COL28A1: variants seen among roughly 807,000 people sequenced by gnomAD.
COL28A1 encodes the protein collagen alpha-1(XXVIII) chain.
A neutral mutation model predicts 150.2 loss-of-function variants in COL28A1; 161 were observed. That is an observed-to-expected ratio of 1.07 (90% CI 0.94 to 1.22). The LOEUF is 1.22. COL28A1 is among the 50% of genes most tolerant of loss of function. The pLI, the probability that COL28A1 is intolerant of heterozygous loss-of-function variation, is 0.00. For synonymous variants in COL28A1, 552 were observed against 469.7 expected, an observed-to-expected ratio of 1.18 and a Z score of -2.26; for missense variants, 1,617 against 1,388.3, an observed-to-expected ratio of 1.16 and a Z score of -2.62.
intron 4 of COL28A1, among the ~76,000 whole-genome samples, chr7:7,523,877 C>A: frequency 6.6e-6 from 1 of 152,278 alleles, no homozygotes. Flanking sequence ...TAGCCAACAC[C>A]AGGAACACCC....
chr7:7,485,867 T>A (rs1010656939), intron 13 of COL28A1, among the ~76,000 whole-genome samples: 5 of 152,164 alleles, frequency 3.3e-5, no homozygotes, highest in Non-Finnish European at 5.9e-5. Flanking sequence ...ATATAATAAA[T>A]CTTAAGACCA....
At chr7:7,444,548 T>C (rs1786104096) in intron 18 of COL28A1, 59 bp from the exon 19 acceptor site, 2 of 1,477,926 alleles carry the variant, frequency 1.4e-6, no homozygotes, top group Admixed American at 1.7e-5. Flanking sequence ...CTGAGGTACT[T>C]GCAATTGGAT....
In COL28A1 at chr7:7,358,084, G is replaced by T. The variant is rs1780427822; in HGVS notation, c.*549C>A. On this transcript the variant is annotated 3_prime_UTR_variant, in exon 35 of 35. Coordinates refer to ENST00000399429, the MANE Select transcript of COL28A1 (RefSeq NM_001037763.3). ...TGGTTTCTCCCTATTACCACTTTCAGGGCAAGTGAGGCAAAAATCTAACTA... is the reference window on the plus strand; with the variant it reads ...TGGTTTCTCCCTATTACCACTTTCATGGCAAGTGAGGCAAAAATCTAACTA... 6.6e-6 allele frequency: 1 copy of T among 152,192 alleles called. No individual in the cohort carries two copies. Among genetic ancestry groups the T allele is most frequent in the South Asian group, 2.1e-4 (1 of 4,826 alleles). The allele number at this position is 152,192 out of a possible 1,614,324, so 9.4% of individuals were successfully genotyped here.
chr7:7,452,417 A>G (rs766145395), intron 17 of COL28A1, 30 bp from the exon 18 acceptor site: 7 of 1,574,554 alleles, frequency 4.4e-6, no homozygotes, highest in Non-Finnish European at 5.1e-6. Flanking sequence ...ATACAGCAGC[A>G]AAGTGAAAAT....
rs2128314267 is a variant in COL28A1, at chr7:7,432,459, C to T, written c.1998+14G>A. 1 of 1,613,130 alleles carries T rather than the reference C, an allele frequency of 6.2e-7. No individual in the cohort carries two copies. ...CTCTTAGAAGCTAGTACGTTGCCTA[C>T]TTTAAAGTCTTACCTTTGCTCCAGT... On this transcript the variant is annotated intron_variant, in intron 25 of 34. Coordinates refer to ENST00000399429, the MANE Select transcript of COL28A1 (RefSeq NM_001037763.3).
chr7:7,381,397 G>A, intron 28 of COL28A1, 147 bp downstream of exon 28: 2 of 636,630 alleles, frequency 3.1e-6, no homozygotes, highest in East Asian at 5.4e-5. Context: ...ACAAAGCAAT[G>A]CACGAGGATT....
chr7:7,490,385 A>G (rs1361562023), intron 12 of COL28A1, among the ~76,000 whole-genome samples, 193 bp downstream of exon 12: 1 of 152,246 alleles, frequency 6.6e-6, no homozygotes, highest in Non-Finnish European at 1.5e-5. Flanking sequence ...AAAATTAAAA[A>G]ATACGTTAAT....
intron 32 of COL28A1, among the ~76,000 whole-genome samples, chr7:7,372,629 G>A (rs1344575902): frequency 1.3e-5 from 2 of 151,828 alleles, no homozygotes; most frequent in Admixed American, 1.3e-4. Flanking sequence ...TTTCCTGACT[G>A]TTTTCTGCCT....
intron 26 of COL28A1, 26 bp downstream of exon 26, chr7:7,419,859 C>T: frequency 6.6e-7 from 1 of 1,507,508 alleles, no homozygotes; most frequent in Non-Finnish European, 8.9e-7. Flanking sequence ...CTGACCCTCA[C>T]ACAAAGCACT....
At position 7,517,817 on chromosome 7, in the gene COL28A1, T is replaced by G. The variant is rs930596718; in HGVS notation, c.834A>C (p.Glu278Asp). Reference sequence around the variant, plus strand: ...ATACCCCTGGACCTCTTTCTCCAGCTTCTCCTTTTTGAGCGTTGCCCTGTG... The same window carrying G: ...ATACCCCTGGACCTCTTTCTCCAGCGTCTCCTTTTTGAGCGTTGCCCTGTG... The part of the protein sequence containing the change: ...KGNPGNAQKG[E>D]AGERGPGGIP... Residue 278 changes from glutamate (E) to aspartate (D), a missense_variant, in exon 7 of 35, where the codon GAA (glutamate) becomes GAC (aspartate). Coordinates refer to ENST00000399429, the MANE Select transcript of COL28A1 (RefSeq NM_001037763.3). 6.2e-7 allele frequency: 1 copy of G among 1,613,680 alleles called. No individual in the cohort carries two copies. Among genetic ancestry groups the G allele is most frequent in the African/African-American group, 1.3e-5 (1 of 74,892 alleles).
At chr7:7,451,850 A>G (rs545936575) in intron 18 of COL28A1, among the ~76,000 whole-genome samples, 1 of 152,102 alleles carries the variant, frequency 6.6e-6, no homozygotes, top group Non-Finnish European at 1.5e-5. Context: ...TTCTTCTTAG[A>G]CCTACATCTT....
chr7:7,351,032 CTA>C, the COL28A1 span, among the ~76,000 whole-genome samples: 1 of 152,094 alleles, frequency 6.6e-6, no homozygotes, highest in Non-Finnish European at 1.5e-5. Flanking sequence ...AGAATTCTGA[CTA>C]TGTAATTTCT....
intron 16 of COL28A1, among the ~76,000 whole-genome samples, chr7:7,455,672 G>A (rs1787098739): frequency 6.6e-6 from 1 of 152,150 alleles, no homozygotes; most frequent in East Asian, 1.9e-4. Context: ...TCCATTGGGA[G>A]AGAGTGGGAT....
chr7:7,410,037 T>C (rs1186312070), intron 27 of COL28A1, among the ~76,000 whole-genome samples: 1 of 152,200 alleles, frequency 6.6e-6, no homozygotes, highest in East Asian at 1.9e-4. Flanking sequence ...GAATTATTTT[T>C]TAAAAATTAT....
the COL28A1 span, among the ~76,000 whole-genome samples, chr7:7,542,611 C>T: frequency 5.9e-4 from 90 of 152,280 alleles, 1 homozygote; most frequent in African/African-American, 2.1e-3. Flanking sequence ...GTTGGAAGTG[C>T]AGGAGCAGAG....
intron 16 of COL28A1, among the ~76,000 whole-genome samples, chr7:7,454,817 G>A (rs4720737): frequency 0.045 from 6,782 of 152,250 alleles, 235 homozygotes; most frequent in Admixed American, 0.091. Flanking sequence ...GAGAATGTCG[G>A]CTGGTATAAT....
rs1184748628 is a variant in COL28A1, at chr7:7,381,665, C to A, written c.2137-53G>T. 1.3e-5 allele frequency: 19 copies of A among 1,426,436 alleles called. No individual in the cohort carries two copies. In the African/African-American group the frequency reaches 1.7e-4, roughly 13 times the overall value. 88.4% of individuals were successfully genotyped at this position (1,426,436 alleles called of 1,614,324 possible). A position where few individuals can be genotyped will look rare whatever the true frequency, so the allele number is the denominator to read the frequency against. On this transcript the variant is annotated intron_variant, in intron 27 of 34. Coordinates refer to ENST00000399429, the MANE Select transcript of COL28A1 (RefSeq NM_001037763.3). ...CTATTAATTTCCCAGGATAGCTTGG[C>A]TATTCTTTGGGTCAGAAACACACTT...
chr7:7,374,024 TA>T lies in COL28A1; in HGVS notation c.2360-479del, dbSNP rs1188442971. On this transcript the variant is annotated intron_variant, in intron 31 of 34. Transcript: ENST00000399429. ...CCTTCTGGTTTCTATACTTGACTCT[TA>T]AAAAAAAAAAAAAATATATATATAT... Among the ~76,000 whole-genome samples, 172 of 116,324 alleles carry T rather than the reference TA, an allele frequency of 1.5e-3. 2 individuals carry two copies. Among genetic ancestry groups the T allele is most frequent in the African/African-American group, 5.8e-3 (134 of 23,220 alleles). The allele number at this position is 116,324 out of a possible 152,430, so 76.3% of individuals were successfully genotyped here.
intron 27 of COL28A1, among the ~76,000 whole-genome samples, chr7:7,414,455 C>G (rs1324320574): frequency 6.6e-6 from 1 of 152,224 alleles, no homozygotes; most frequent in Non-Finnish European, 1.5e-5. Context: ...AGTTCCACTT[C>G]AGGGCAGAGC....
Sources: allele counts gnomAD v4.1 joint callset (sites outside exome capture counted in the v4.1 genomes callset), GRCh38; gene constraint gnomAD v4.1.1; transcripts MANE v1.5; gene names NCBI Gene and HGNC (gene_info 2026-07-23, HGNC 2026-07-21).